Variants in LIN9 observed in about 807,000 individuals in gnomAD.
LIN9 encodes lin-9 DREAM MuvB core complex component.
LIN9 carries 18 observed loss-of-function variants against 78.0 expected under a neutral mutation model. The observed-to-expected ratio is 0.23, with a 90% CI of 0.16 to 0.34. LIN9 has a LOEUF of 0.34. Among genes scored for constraint, LIN9 ranks in the 10% least tolerant of loss-of-function variants. The pLI is 1.00. For missense variants in LIN9, 451 were observed against 644.1 expected (o/e 0.70, Z 3.25); for synonymous variants, 192 against 215.2 (o/e 0.89, Z 0.94).
intron 11 of LIN9, among the ~76,000 whole-genome samples, chr1:226,248,196 TTC>T (rs1294935896): frequency 6.6e-6 from 1 of 152,192 alleles, no homozygotes; most frequent in Non-Finnish European, 1.5e-5. Context: ...CACGTTTGAG[TTC>T]TGTCACTGAG....
chr1:226,262,929 C>T (rs991904300), intron 10 of LIN9, among the ~76,000 whole-genome samples: 4 of 152,082 alleles, frequency 2.6e-5, no homozygotes. Context: ...TGTGGTACAT[C>T]CCGACAATGT....
intron 12 of LIN9, among the ~76,000 whole-genome samples, chr1:226,235,974 T>C (rs1487361995): frequency 6.6e-6 from 1 of 152,172 alleles, no homozygotes; most frequent in African/African-American, 2.4e-5. Flanking sequence ...TCGTATTTGC[T>C]TTTTGCATCT....
At chr1:226,306,824 G>A (rs1373148487) in intron 1 of LIN9, among the ~76,000 whole-genome samples, 1 of 152,076 alleles carries the variant, frequency 6.6e-6, no homozygotes, top group African/African-American at 2.4e-5. Flanking sequence ...CCCTGCTCTA[G>A]TTTCAGTAAT....
chr1:226,286,618 C>T (rs1186407933), intron 5 of LIN9, among the ~76,000 whole-genome samples, 160 bp from the exon 6 acceptor site: 3 of 152,174 alleles, frequency 2.0e-5, no homozygotes, highest in African/African-American at 7.2e-5. Flanking sequence ...ATTTGTGAAA[C>T]ATCTAATGTC....
chr1:226,293,012 A>C (rs956431239), intron 4 of LIN9, among the ~76,000 whole-genome samples: 7 of 152,214 alleles, frequency 4.6e-5, no homozygotes, highest in African/African-American at 1.7e-4. Flanking sequence ...AGGACTCAAC[A>C]CATAAGTAAT....
chr1:226,263,969 T>C (rs978350967), intron 10 of LIN9, among the ~76,000 whole-genome samples: 3 of 152,074 alleles, frequency 2.0e-5, no homozygotes, highest in African/African-American at 7.2e-5. Flanking sequence ...CTCAGCTACT[T>C]GGGAGGCTGA....
intron 6 of LIN9, among the ~76,000 whole-genome samples, chr1:226,283,278 ATT>A (rs71574569): frequency 7.1e-5 from 6 of 84,212 alleles, no homozygotes; most frequent in Middle Eastern, 8.5e-3. Flanking sequence ...TAATTTTTGA[ATT>A]TTTTTTTTTT....
chr1:226,288,296 T>C (rs373825623), intron 4 of LIN9, among the ~76,000 whole-genome samples: 3 of 152,178 alleles, frequency 2.0e-5, no homozygotes, highest in East Asian at 1.9e-4. Context: ...TTTAACCTAA[T>C]AAAACATTTC....
intron 12 of LIN9, among the ~76,000 whole-genome samples, chr1:226,235,256 A>C (rs1657613862): frequency 7.4e-6 from 1 of 135,520 alleles, no homozygotes; most frequent in Non-Finnish European, 1.5e-5. Flanking sequence ...CCGGAGGCAG[A>C]GGTTGCAGTG....
At chr1:226,267,924 T>TA in intron 8 of LIN9, 33 bp downstream of exon 8, 1 of 1,596,054 alleles carries the variant, frequency 6.3e-7, no homozygotes, top group Non-Finnish European at 8.5e-7. Flanking sequence ...TTAACAGGCA[T>TA]AAAACACAAA....
At chr1:226,233,792 T>A (rs931409105) in intron 12 of LIN9, among the ~76,000 whole-genome samples, 2 of 152,242 alleles carry the variant, frequency 1.3e-5, no homozygotes, top group African/African-American at 2.4e-5. Context: ...GATTTACTGT[T>A]TATGTTTTAC....
chr1:226,243,974 A>G (rs1658295330), intron 11 of LIN9, among the ~76,000 whole-genome samples: 1 of 150,972 alleles, frequency 6.6e-6, no homozygotes, highest in South Asian at 2.1e-4. Flanking sequence ...TCCAAGGTTC[A>G]AGTGATTCTC....
At chr1:226,264,196 T>C (rs1659775263) in intron 10 of LIN9, among the ~76,000 whole-genome samples, 2 of 150,328 alleles carry the variant, frequency 1.3e-5, no homozygotes, top group South Asian at 2.1e-4. Context: ...CTGGCCAACA[T>C]GGTGAAACCC....
In LIN9 at chr1:226,301,522, C is replaced by T. The variant is rs1576362260; in HGVS notation, c.32-317G>A. 2.0e-5 allele frequency among the ~76,000 whole-genome samples: 3 copies of T among 152,038 alleles called. No homozygotes were observed. In the South Asian group the frequency reaches 6.2e-4, roughly 32 times the overall value. On this transcript the variant is annotated intron_variant, in intron 1 of 14. Coordinates refer to ENST00000681046, the MANE Select transcript of LIN9 (RefSeq NM_001366245.2). The stretch of plus-strand genomic sequence containing the variant: ...AGGTAATTTTGGATCCTCATCCAGG[C>T]GTGCTGTGGTGCTGGAAGAAAAGAG...
intron 1 of LIN9, 112 bp downstream of exon 1, chr1:226,308,997 T>A: frequency 9.1e-7 from 1 of 1,096,658 alleles, no homozygotes; most frequent in Non-Finnish European, 1.2e-6. Flanking sequence ...ACAGTGGGGC[T>A]GGCAGTCAGC....
At chr1:226,261,273 GA>G (rs1457985329) in intron 10 of LIN9, among the ~76,000 whole-genome samples, 2 of 151,954 alleles carry the variant, frequency 1.3e-5, no homozygotes, top group African/African-American at 4.8e-5. Context: ...CATCATACTG[GA>G]AGTCCTAGCT....
At position 226,301,091 on chromosome 1, in the gene LIN9, GA is replaced by G. The variant is rs972588270; in HGVS notation, c.64+81del. On this transcript the variant is annotated intron_variant, in intron 2 of 14. Transcript: ENST00000681046. ...GCTACAATGAATCATAACTTAGAAG[GA>G]AAATGGAAACACTATATCCAGATTA... is the stretch of plus-strand genomic sequence containing the variant. The G allele has an allele frequency of 6.4e-5, 63 of 986,544 alleles. No individual in the cohort carries two copies. In the Middle Eastern group the frequency reaches 1.8e-3, roughly 29 times the overall value. 61.1% of individuals were successfully genotyped at this position (986,544 alleles called of 1,614,324 possible). A position where few individuals can be genotyped will look rare whatever the true frequency, so the allele number is the denominator to read the frequency against.
intron 8 of LIN9, among the ~76,000 whole-genome samples, chr1:226,267,280 G>T (rs1379094506): frequency 1.6e-5 from 2 of 121,256 alleles, no homozygotes; most frequent in Non-Finnish European, 1.7e-5. Flanking sequence ...TATTTACAAA[G>T]ACATACATAT....
chr1:226,247,674 C>T (rs1300771575), intron 11 of LIN9, among the ~76,000 whole-genome samples: 1 of 138,900 alleles, frequency 7.2e-6, no homozygotes, highest in Non-Finnish European at 1.5e-5. Context: ...TGTTTTCTTT[C>T]TTTTTTTTTT....
Sources: gnomAD v4.1 joint callset for allele counts (sites outside exome capture counted in the v4.1 genomes callset) on GRCh38, gnomAD v4.1.1 for gene constraint, MANE v1.5 for transcripts, NCBI Gene and HGNC (gene_info 2026-07-23, HGNC 2026-07-21) for gene names.